MKLN1: variants seen among roughly 807,000 people sequenced by gnomAD.
The protein encoded by MKLN1 is muskelin.
In MKLN1, 18 loss-of-function variants were observed where a neutral mutation model predicts 99.0. The ratio of observed to expected loss-of-function variants is 0.18; its 90% CI spans 0.13 to 0.27. The LOEUF is 0.27. Among genes scored for constraint, MKLN1 ranks in the 10% least tolerant of loss-of-function variants. The probability of loss-of-function intolerance (pLI) is 1.00; values close to 1 mark genes in which losing one functional copy is unlikely to be tolerated. For synonymous variants in MKLN1, 288 were observed against 293.2 expected (o/e 0.98, Z 0.18); for missense variants, 621 against 875.9 (o/e 0.71, Z 3.67).
At chr7:131,211,774 T>TTTTAATGGGTGATTA (rs1796909806) in intron 3 of MKLN1, among the ~76,000 whole-genome samples, 1 of 152,192 alleles carries the variant, frequency 6.6e-6, no homozygotes, top group Admixed American at 6.5e-5. Flanking sequence ...GGGTGATTAC[T>TTTTAATGGGTGATTA]CTAGGAGGCT....
intron 1 of MKLN1, among the ~76,000 whole-genome samples, chr7:131,341,657 A>T (rs1202622324): frequency 6.6e-6 from 1 of 152,154 alleles, no homozygotes; most frequent in African/African-American, 2.4e-5. Flanking sequence ...ATGGGGTGTG[A>T]TGGGGGAGGA....
intron 3 of MKLN1, among the ~76,000 whole-genome samples, chr7:131,259,374 C>T (rs957345219): frequency 2.0e-4 from 31 of 152,148 alleles, no homozygotes; most frequent in Non-Finnish European, 3.8e-4. Flanking sequence ...TACCCAATAT[C>T]TGTCTCCTAG....
chr7:131,170,691 C>G (rs988451689), intron 2 of MKLN1, among the ~76,000 whole-genome samples: 3 of 152,140 alleles, frequency 2.0e-5, no homozygotes, highest in Non-Finnish European at 4.4e-5. Flanking sequence ...TGGAGCTGTC[C>G]TTGGTCTGAC....
At chr7:131,362,642 GAC>G (rs1304646438) in intron 1 of MKLN1, among the ~76,000 whole-genome samples, 4 of 151,934 alleles carry the variant, frequency 2.6e-5, no homozygotes, top group African/African-American at 9.7e-5. Flanking sequence ...TTACGTTATA[GAC>G]AGTTGCTGTC....
intron 2 of MKLN1, among the ~76,000 whole-genome samples, chr7:131,169,156 C>T (rs546492332): frequency 6.6e-5 from 10 of 152,204 alleles, no homozygotes; most frequent in Non-Finnish European, 1.0e-4. Flanking sequence ...TGAGCCACCT[C>T]GCCCGGCCAG....
At chr7:131,397,641 CT>C (rs1420441821) in intron 5 of MKLN1, among the ~76,000 whole-genome samples, 1 of 152,076 alleles carries the variant, frequency 6.6e-6, no homozygotes, top group East Asian at 1.9e-4. Context: ...AATAGTTTGC[CT>C]AGGATCACAC....
At chr7:131,191,405 G>C (rs1304734642) in intron 2 of MKLN1, among the ~76,000 whole-genome samples, 1 of 152,184 alleles carries the variant, frequency 6.6e-6, no homozygotes, top group Non-Finnish European at 1.5e-5. Flanking sequence ...CTCCAGTGTT[G>C]TGGTGTGTGA....
chr7:131,128,989 G>A (rs1795509203), intron 1 of MKLN1, among the ~76,000 whole-genome samples: 2 of 149,392 alleles, frequency 1.3e-5, no homozygotes, highest in Non-Finnish European at 2.9e-5. Context: ...ACAAGCGGTA[G>A]TGTCTTTAAC....
At chr7:131,414,612 T>C (rs370670855) in intron 7 of MKLN1, 33 bp from the exon 8 acceptor site, 3 of 1,472,888 alleles carry the variant, frequency 2.0e-6, no homozygotes, top group Non-Finnish European at 2.8e-6. Context: ...TTCTTTGTTA[T>C]TCCTTTAAAA....
At chr7:131,279,799 C>G (rs924996637) in intron 3 of MKLN1, among the ~76,000 whole-genome samples, 3 of 152,026 alleles carry the variant, frequency 2.0e-5, no homozygotes, top group African/African-American at 4.8e-5. Flanking sequence ...AGAGCAAGAC[C>G]CTGTCTCAAA....
chr7:131,296,174 C>T (rs373604752), intron 3 of MKLN1, among the ~76,000 whole-genome samples: 3 of 152,120 alleles, frequency 2.0e-5, no homozygotes, highest in Admixed American at 2.0e-4. Flanking sequence ...GAGAGTCATA[C>T]AAGTCCCCAA....
chr7:131,267,945 G>A (rs1031433748), intron 3 of MKLN1, among the ~76,000 whole-genome samples: 4 of 152,130 alleles, frequency 2.6e-5, no homozygotes, highest in South Asian at 4.1e-4. Flanking sequence ...AAAATATTAC[G>A]TACCTCTAAA....
intron 1 of MKLN1, among the ~76,000 whole-genome samples, chr7:131,355,439 TTATACATACA>T (rs901727440): frequency 1.1e-4 from 16 of 151,990 alleles, no homozygotes; most frequent in Middle Eastern, 3.4e-3. Context: ...CCAGGTTTAC[TTATACATACA>T]TATATATATG....
At chr7:131,335,266 T>C (rs1185398707) in intron 1 of MKLN1, among the ~76,000 whole-genome samples, 1 of 152,218 alleles carries the variant, frequency 6.6e-6, no homozygotes, top group Non-Finnish European at 1.5e-5. Flanking sequence ...GAAGTCAAAG[T>C]AACATTCTGT....
At chr7:131,423,336 T>A (rs1428511435) in intron 8 of MKLN1, among the ~76,000 whole-genome samples, 2 of 152,134 alleles carry the variant, frequency 1.3e-5, no homozygotes, top group East Asian at 3.8e-4. Context: ...TTTTTATTTA[T>A]TTATTTATTT....
chr7:131,110,599 G>C (rs747248102), intron 1 of MKLN1, among the ~76,000 whole-genome samples: 4 of 152,168 alleles, frequency 2.6e-5, no homozygotes, highest in Non-Finnish European at 4.4e-5. Flanking sequence ...TAGTGAAAGG[G>C]ATGGGAAACC....
In MKLN1 at chr7:131,254,135, T is replaced by A. The variant is rs1423177663; in HGVS notation, c.-179+51161T>A. Among the ~76,000 whole-genome samples the A allele has an allele frequency of 3.3e-5, 5 of 152,210 alleles. No individual in the cohort carries two copies. The East Asian group carries it at 9.7e-4, about 29-fold the overall frequency. The stretch of plus-strand genomic sequence containing the variant: ...AGAGAGAGAGCAGGGAAAGAGACAG[T>A]CAAAGAGAGCTTTGCTAAAATGATT... On this transcript the variant is annotated intron_variant, in intron 3 of 7. Transcript: ENST00000416992.
intron 2 of MKLN1, 142 bp downstream of exon 2, chr7:131,375,635 C>G (rs2116847855): frequency 1.9e-6 from 1 of 535,272 alleles, no homozygotes; most frequent in Middle Eastern, 4.1e-4. Context: ...TCTATTTTTG[C>G]TTGTTTATTA....
intron 2 of MKLN1, among the ~76,000 whole-genome samples, chr7:131,188,620 A>G (rs1315553108): frequency 6.6e-6 from 1 of 152,212 alleles, no homozygotes; most frequent in African/African-American, 2.4e-5. Context: ...CATTATTTCA[A>G]TTACATTCTA....
Sources: gnomAD v4.1 joint callset for allele counts (sites outside exome capture counted in the v4.1 genomes callset) on GRCh38, gnomAD v4.1.1 for gene constraint, MANE v1.5 for transcripts, NCBI Gene and HGNC (gene_info 2026-07-23, HGNC 2026-07-21) for gene names.